The following ZNF516 variants were observed in gnomAD, a reference collection of about 807,000 sequenced individuals.
ZNF516 encodes the protein zinc finger protein 516.
In ZNF516, 19 loss-of-function variants were observed where a neutral mutation model predicts 79.7. That is an observed-to-expected ratio of 0.24 (90% confidence interval 0.17 to 0.35). The LOEUF is 0.35. ZNF516 is among the 10% of genes least tolerant of loss of function. ZNF516 has a pLI of 1.00. For synonymous variants in ZNF516, 877 were observed against 739.5 expected, an observed-to-expected ratio of 1.19 and a Z score of -3.02; for missense variants, 1,678 against 1,679.5, an observed-to-expected ratio of 1.00 and a Z score of 0.02.
intron 4 of ZNF516, among the ~76,000 whole-genome samples, chr18:76,376,410 A>G (rs767721046): frequency 5.1e-4 from 77 of 152,280 alleles, no homozygotes; most frequent in Non-Finnish European, 9.3e-4. Flanking sequence ...GAAACCCTAA[A>G]TTTGCTGACT....
At chr18:76,473,910 G>C (rs1006318545) in intron 1 of ZNF516, among the ~76,000 whole-genome samples, 3 of 143,506 alleles carry the variant, frequency 2.1e-5, no homozygotes, top group South Asian at 2.4e-4. Flanking sequence ...GTGTGGGGGG[G>C]GGGGGGGCTT....
At chr18:76,439,947 A>T (rs543929835) in intron 3 of ZNF516, among the ~76,000 whole-genome samples, 2 of 152,308 alleles carry the variant, frequency 1.3e-5, no homozygotes, top group South Asian at 4.2e-4. Context: ...CACATGACAA[A>T]TTATTCAAAA....
chr18:76,438,170 A>G (rs1035644351), intron 3 of ZNF516, among the ~76,000 whole-genome samples: 1 of 152,258 alleles, frequency 6.6e-6, no homozygotes, highest in Non-Finnish European at 1.5e-5. Context: ...TCAGGATGGC[A>G]CGAACTCTGA....
At chr18:76,486,043 T>A (rs150748482) in intron 1 of ZNF516, among the ~76,000 whole-genome samples, 1 of 152,236 alleles carries the variant, frequency 6.6e-6, no homozygotes, top group East Asian at 1.9e-4. Flanking sequence ...CCCCCAGAAG[T>A]CTTAACTACT....
At chr18:76,492,940 A>G in intron 1 of ZNF516, 2 of 985,554 alleles carry the variant, frequency 2.0e-6, no homozygotes, top group Non-Finnish European at 2.4e-6. Flanking sequence ...GGCTGGCCAG[A>G]CTTCACAGTG....
At chr18:76,469,164 T>C (rs1036958276) in intron 1 of ZNF516, among the ~76,000 whole-genome samples, 2 of 152,246 alleles carry the variant, frequency 1.3e-5, no homozygotes, top group Non-Finnish European at 2.9e-5. Flanking sequence ...GGTGTGCGAA[T>C]GTTCCCTTTA....
rs1156821344 is a variant in ZNF516 at position 76,491,417 on chromosome 18, GCCCGCC to G, written c.-272+3721_-272+3726del. 6.8e-5 allele frequency among the ~76,000 whole-genome samples: 5 copies of G among 73,442 alleles called. No homozygotes were observed. The Admixed American group carries it at 7.5e-4, about 11-fold the overall frequency. The allele number at this position is 73,442 out of a possible 152,430, so 48.2% of individuals were successfully genotyped here. On this transcript the variant is annotated intron_variant, in intron 1 of 6. Coordinates refer to ENST00000443185, the MANE Select transcript of ZNF516 (RefSeq NM_014643.4). The stretch of plus-strand genomic sequence containing the variant: ...CCCGCCGGCTCCCCCCGCCCGCCCC[GCCCGCC>G]CCCGCCCCCCGGCCCGCACAGACCC...
intron 3 of ZNF516, among the ~76,000 whole-genome samples, chr18:76,437,646 G>T (rs899632830): frequency 6.6e-5 from 10 of 152,100 alleles, no homozygotes; most frequent in African/African-American, 2.2e-4. Flanking sequence ...GGATGCTCAA[G>T]TCCCTGGTGT....
chr18:76,486,090 C>G (rs1026477943), intron 1 of ZNF516, among the ~76,000 whole-genome samples: 10 of 152,244 alleles, frequency 6.6e-5, no homozygotes, highest in African/African-American at 2.4e-4. Flanking sequence ...TTAACAGTCA[C>G]TCAGCATTGA....
At chr18:76,481,660 T>C (rs1048036634) in intron 1 of ZNF516, among the ~76,000 whole-genome samples, 1 of 152,210 alleles carries the variant, frequency 6.6e-6, no homozygotes, top group African/African-American at 2.4e-5. Flanking sequence ...GACCTGTGCA[T>C]ATTAAATAAC....
chr18:76,419,705 C>T (rs2075481351), intron 3 of ZNF516, among the ~76,000 whole-genome samples: 5 of 152,220 alleles, frequency 3.3e-5, no homozygotes, highest in Admixed American at 3.3e-4. Flanking sequence ...GCCATTAAGA[C>T]ATGCCTTTGC....
At chr18:76,421,676 C>T (rs983218147) in intron 3 of ZNF516, among the ~76,000 whole-genome samples, 2 of 152,318 alleles carry the variant, frequency 1.3e-5, no homozygotes, top group African/African-American at 4.8e-5. Context: ...TGAACAACAT[C>T]CCAAAATAAA....
At chr18:76,496,230 C>T (rs1190895445), upstream of ZNF516, 3 of 1,247,760 alleles carry the variant, frequency 2.4e-6, no homozygotes, top group Non-Finnish European at 2.1e-6. Flanking sequence ...GTGACGTAGA[C>T]CCGGGGAGCT....
rs755612130 is a variant in ZNF516, at chr18:76,442,473, G to A, written c.582C>T (p.His194=). The part of the protein sequence containing the change: ...ERKKDLELHV[H]QAHKPFKCRL... ...TGCACTTGAACGGCTTGTGCGCCTG[G>A]TGCACGTGCAGCTCCAGGTCCTTCT... Residue 194 remains histidine (H), a synonymous_variant, in exon 3 of 7, where the codon CAC becomes CAT. Coordinates refer to ENST00000443185, the MANE Select transcript of ZNF516 (RefSeq NM_014643.4). 1 of 1,604,218 alleles carries A rather than the reference G, an allele frequency of 6.2e-7. No homozygotes were observed. The highest frequency in any genetic ancestry group is 8.5e-7 in the Non-Finnish European group (1 of 1,179,652).
chr18:76,495,964 G>A (rs1262965781), upstream of ZNF516, among the ~76,000 whole-genome samples: 5 of 152,202 alleles, frequency 3.3e-5, no homozygotes, highest in Non-Finnish European at 5.9e-5. Flanking sequence ...AAATGAAGGG[G>A]TTGTTTACCG....
chr18:76,423,661 G>A (rs1346665519), intron 3 of ZNF516, among the ~76,000 whole-genome samples: 1 of 120,094 alleles, frequency 8.3e-6, no homozygotes, highest in African/African-American at 3.1e-5. Context: ...AGGTGAAAAG[G>A]CTCCCTCCTG....
In ZNF516 at chr18:76,443,012, G is replaced by A; in HGVS notation, c.43C>T (p.Pro15Ser). 1 of 1,599,458 alleles carries A rather than the reference G, an allele frequency of 6.3e-7. No homozygotes were observed. The highest frequency in any genetic ancestry group is 8.5e-7 in the Non-Finnish European group (1 of 1,178,112). ...CCCCGGCCGGCCCTGGTGGGGCTGG[G>A]GCCTCGCCTCAGCTCCATCTCGGCC... ...REAEMELRRG[P>S]SPTRAGRGHE... Residue 15 changes from proline (P) to serine (S), a missense_variant, in exon 3 of 7, where the codon CCC becomes TCC. Pro to Ser is a moderately conservative substitution (Grantham distance 74, BLOSUM62 -1). Coordinates refer to ENST00000443185, the MANE Select transcript of ZNF516 (RefSeq NM_014643.4).
chr18:76,395,345 G>A (rs187970402), intron 3 of ZNF516, among the ~76,000 whole-genome samples: 39 of 152,226 alleles, frequency 2.6e-4, no homozygotes, highest in African/African-American at 8.2e-4. Context: ...CCACTATCTA[G>A]CGCATCTGGC....
At chr18:76,425,816 G>C (rs57347214) in intron 3 of ZNF516, among the ~76,000 whole-genome samples, 8,012 of 152,262 alleles carry the variant, frequency 0.053, 345 homozygotes, top group African/African-American at 0.11. Flanking sequence ...GAGGGGTCGA[G>C]GTCCAGGTAA....
Sources: gnomAD v4.1 joint callset for allele counts (sites outside exome capture counted in the v4.1 genomes callset) on GRCh38, gnomAD v4.1.1 for gene constraint, MANE v1.5 for transcripts, NCBI Gene and HGNC (gene_info 2026-07-23, HGNC 2026-07-21) for gene names.